The following ZNF318 variants were observed in gnomAD, a reference collection of about 807,000 sequenced individuals.
ZNF318 encodes the protein endocrine regulator.
Under a neutral mutation model 124.2 loss-of-function variants are expected in ZNF318, and 51 were observed. The observed-to-expected ratio is 0.41, with a 90% CI of 0.33 to 0.52. The LOEUF (loss-of-function observed/expected upper bound fraction) is 0.52, where lower values mean the gene tolerates loss of function less well. ZNF318 is among the 20% of genes least tolerant of loss of function. ZNF318 has a pLI of 0.23. For synonymous variants in ZNF318, 1,090 were observed against 1,040.7 expected (o/e 1.05, Z -0.91); for missense variants, 2,815 against 2,811.2 (o/e 1.00, Z -0.03).
At chr6:43,365,204 C>G in intron 2 of ZNF318, 88 bp downstream of exon 2, 1 of 1,436,672 alleles carries the variant, frequency 7.0e-7, no homozygotes, top group Non-Finnish European at 9.5e-7. Context: ...AGAGCTGGCA[C>G]CATCCTTTCA....
At chr6:43,356,989 C>A in intron 3 of ZNF318, 137 bp downstream of exon 3, 1 of 1,047,858 alleles carries the variant, frequency 9.5e-7, no homozygotes, top group Non-Finnish European at 1.4e-6. Context: ...TTGGAGAGTC[C>A]TAGAAGGTGT....
rs1189127509 is a variant in ZNF318 at position 43,340,267 on chromosome 6, G to A, written c.3731C>T (p.Pro1244Leu). The A allele has an allele frequency of 6.2e-7, 1 of 1,613,770 alleles. No homozygotes were observed. The highest frequency in any genetic ancestry group is 8.5e-7 in the Non-Finnish European group (1 of 1,179,978). Residue 1244 changes from proline (P) to leucine (L), a missense_variant, in exon 10 of 10, where the codon CCT (proline) becomes CTT (leucine). Transcript: ENST00000361428. The part of the protein sequence containing the change: ...EDQLSEGRNS[P>L]EKAENKRNTG... ...GTTCCTTTTATTTTCAGCTTTTTCA[G>A]GGGAGTTCCTACCCTCAGAGAGTTG...
rs1779597134 is a variant in ZNF318, at chr6:43,355,673, G to A, written c.1661C>T (p.Pro554Leu). 1.2e-6 allele frequency: 2 copies of A among 1,614,070 alleles called. No individual in the cohort carries two copies. The highest frequency in any genetic ancestry group is 1.7e-5 in the Admixed American group (1 of 59,992). The change falls in exon 4 of 10, where the codon CCC (proline) becomes CTC (leucine). Residue 554 changes from proline (P) to leucine (L), a missense_variant. Physicochemically the swap from Pro to Leu is moderately conservative, Grantham distance 98 (BLOSUM62 -3). Around this residue, in one of 4 missense-constraint regions of ZNF318, gnomAD observed 1,377 missense variants for 1,353.5 expected, o/e 1.02. Transcript: ENST00000361428. The part of the protein sequence containing the change: ...EDLKAESVPK[P>L]LGSSESEVMR... Reference sequence around the variant, plus strand: ...AACTTCACTCTCAGAGCTCCCAAGGGGCTTTGGTACGGATTCTGCCTTTAA... The same window carrying A: ...AACTTCACTCTCAGAGCTCCCAAGGAGCTTTGGTACGGATTCTGCCTTTAA...
At chr6:43,352,352 G>C in intron 5 of ZNF318, 25 bp downstream of exon 5, 1 of 1,506,408 alleles carries the variant, frequency 6.6e-7, no homozygotes, top group Non-Finnish European at 8.9e-7. Flanking sequence ...ATTACAAAAA[G>C]GCAGTCATGC....
At chr6:43,362,818 C>A (rs2150757220) in intron 2 of ZNF318, among the ~76,000 whole-genome samples, 1 of 152,186 alleles carries the variant, frequency 6.6e-6, no homozygotes. Context: ...CATCTACATA[C>A]AAAGGATATA....
chr6:43,345,606 C>T (rs138186661), intron 6 of ZNF318, among the ~76,000 whole-genome samples: 90 of 152,194 alleles, frequency 5.9e-4, no homozygotes, highest in African/African-American at 2.1e-3. Flanking sequence ...CATCAAAGGC[C>T]CTACCTAGAC....
chr6:43,352,601 T>A, intron 4 of ZNF318, 125 bp from the exon 5 acceptor site: 1 of 783,720 alleles, frequency 1.3e-6, no homozygotes, highest in Non-Finnish European at 2.1e-6. Flanking sequence ...GCACACAGGC[T>A]CTGACCTTAC....
At chr6:43,347,613 C>T (rs1326103705) in intron 6 of ZNF318, among the ~76,000 whole-genome samples, 1 of 152,122 alleles carries the variant, frequency 6.6e-6, no homozygotes, top group Non-Finnish European at 1.5e-5. Flanking sequence ...TAGTTTAGGA[C>T]ATGCTCAATT....
chr6:43,340,850 C>A lies in ZNF318; in HGVS notation c.3435G>T (p.Leu1145Phe). The change falls in exon 9 of 10, where the codon TTG becomes TTT. Residue 1145 changes from leucine to phenylalanine, a missense_variant. Physicochemically the swap from Leu to Phe is conservative, Grantham distance 22. Coordinates refer to ENST00000361428, the MANE Select transcript of ZNF318 (RefSeq NM_014345.3). ...GFYCQLCEEF[L>F]GDPISGEQHV... ...GTTGCTCCCCAGAAATTGGATCCCC[C>A]AAAAATTCCTCACAGAGCTGGCAAT... 6.2e-7 allele frequency: 1 copy of A among 1,614,114 alleles called. No individual in the cohort carries two copies.
At chr6:43,346,232 C>T (rs1359219985) in intron 6 of ZNF318, among the ~76,000 whole-genome samples, 1 of 148,210 alleles carries the variant, frequency 6.7e-6, no homozygotes, top group Non-Finnish European at 1.5e-5. Flanking sequence ...TGGTTCACGC[C>T]TGTAATCCTA....
At position 43,352,492 on chromosome 6, in the gene ZNF318, T is replaced by A; in HGVS notation, c.2671-16A>T. On this transcript the variant is annotated splice_polypyrimidine_tract_variant and intron_variant, in intron 4 of 9. Transcript: ENST00000361428. Reference sequence around the variant, plus strand: ...CTTCAATAACCTGCAAAATACAAAGTGGTAAGAGAGTCCATCTCCTCCAAC... The same window carrying A: ...CTTCAATAACCTGCAAAATACAAAGAGGTAAGAGAGTCCATCTCCTCCAAC... The A allele has an allele frequency of 6.2e-7, 1 of 1,607,594 alleles. No homozygotes were observed. The highest frequency in any genetic ancestry group is 2.2e-5 in the East Asian group (1 of 44,842).
Position 43,336,181 on chromosome 6 carries a change from A to G in ZNF318, c.*977T>C, listed in dbSNP as rs1779276961. On this transcript the variant is annotated 3_prime_UTR_variant, in exon 10 of 10. Coordinates refer to ENST00000361428, the MANE Select transcript of ZNF318 (RefSeq NM_014345.3). ...TTTAACAAAATATACAACCCCAAACATCGTACTATGGTTGAAATTAATTGG... is the reference window on the plus strand; with the variant it reads ...TTTAACAAAATATACAACCCCAAACGTCGTACTATGGTTGAAATTAATTGG... The G allele has an allele frequency of 6.6e-6, 1 of 152,592 alleles. No homozygotes were observed. The highest frequency in any genetic ancestry group is 6.5e-5 in the Admixed American group (1 of 15,270). The allele number at this position is 152,592 out of a possible 1,614,324, so 9.5% of individuals were successfully genotyped here. A position where few individuals can be genotyped will look rare whatever the true frequency, so the allele number is the denominator to read the frequency against.
Position 43,337,922 on chromosome 6 carries a change from T to G in ZNF318, c.6076A>C (p.Thr2026Pro). The change falls in exon 10 of 10, where the codon ACT (threonine) becomes CCT (proline). Residue 2026 changes from threonine (T) to proline (P), a missense_variant. Physicochemically the swap from Thr to Pro is conservative, Grantham distance 38 (BLOSUM62 -1). Coordinates refer to ENST00000361428, the MANE Select transcript of ZNF318 (RefSeq NM_014345.3). The stretch of plus-strand genomic sequence containing the variant: ...CTATGTGCTGGGCTTACCCGAGTAG[T>G]GCAGAAATCAACAGGCATATCCCCC... ...NLGDMPVDFC[T>P]TRVSPAHRSP... 6.2e-7 allele frequency: 1 copy of G among 1,614,226 alleles called. No homozygotes were observed.
chr6:43,369,503 C>T lies in ZNF318; in HGVS notation c.-138G>A, dbSNP rs1779809778. The T allele has an allele frequency of 1.6e-6, 1 of 622,626 alleles. No homozygotes were observed. The highest frequency in any genetic ancestry group is 2.0e-5 in the African/African-American group (1 of 50,136). The allele number at this position is 622,626 out of a possible 1,614,324, so 38.6% of individuals were successfully genotyped here. ...CCTCAGCCGCGGGAGCAGCCCCCTC[C>T]CCTCGGCCCCGCGTCGCCCCGGGGG... On this transcript the variant is annotated 5_prime_UTR_variant, in exon 1 of 10. Transcript: ENST00000361428.
At position 43,363,042 on chromosome 6, in the gene ZNF318, GACCTGTGCCTCTGA is replaced by G. The variant is rs538527813; in HGVS notation, c.548+2236_548+2249del. Reference sequence around the variant, plus strand: ...CCTTAATCTCACTTTCTCTAAAGTAGACCTGTGCCTCTGAAACACATGATTCTACAAAGAAGACT... The same window carrying G: ...CCTTAATCTCACTTTCTCTAAAGTAGAACACATGATTCTACAAAGAAGACT... On this transcript the variant is annotated intron_variant, in intron 2 of 9. Transcript: ENST00000361428. Among the ~76,000 whole-genome samples, 98 of 152,266 alleles carry G rather than the reference GACCTGTGCCTCTGA, an allele frequency of 6.4e-4. 3 individuals are homozygous for G. In the South Asian group the frequency reaches 0.02, roughly 31 times the overall value.
In ZNF318 at chr6:43,337,305, G is replaced by A. The variant is rs1184301550; in HGVS notation, c.6693C>T (p.Asp2231=). 4 of 1,614,120 alleles carry A rather than the reference G, an allele frequency of 2.5e-6. No homozygotes were observed. In the East Asian group the frequency reaches 8.9e-5, roughly 36 times the overall value. The change falls in exon 10 of 10, where the codon GAC becomes GAT. Residue 2231 remains aspartate, a synonymous_variant. Transcript: ENST00000361428. ...AILQVDDDSG[D]PLNLVKAPVS... ...CTGGAGCTTTAACCAAATTCAGAGG[G>A]TCGCCACTGTCATCATCTACTTGCA...
intron 6 of ZNF318, among the ~76,000 whole-genome samples, chr6:43,346,830 G>T (rs139245082): frequency 5.3e-5 from 8 of 152,128 alleles, no homozygotes; most frequent in Non-Finnish European, 1.0e-4. Context: ...GTGACGCAGC[G>T]TAAGATGTAA....
chr6:43,344,513 A>G (rs1347581684), intron 6 of ZNF318, among the ~76,000 whole-genome samples: 1 of 152,234 alleles, frequency 6.6e-6, no homozygotes, highest in African/African-American at 2.4e-5. Context: ...TGAGAAAACT[A>G]ATAAAATACA....
At chr6:43,357,061 A>G in intron 3 of ZNF318, 65 bp downstream of exon 3, 2 of 1,511,214 alleles carry the variant, frequency 1.3e-6, no homozygotes, top group East Asian at 4.5e-5. Flanking sequence ...GCCCACAGGA[A>G]AGTAAGCAGG....
Sources: allele counts gnomAD v4.1 joint callset (sites outside exome capture counted in the v4.1 genomes callset), GRCh38; gene constraint gnomAD v4.1.1; regional missense constraint gnomAD v4.1.1; transcripts MANE v1.5; gene names NCBI Gene and HGNC (gene_info 2026-07-23, HGNC 2026-07-21).